TAFA1: variants seen among roughly 807,000 people sequenced by gnomAD.
TAFA1 encodes the protein chemokine-like protein TAFA-1.
TAFA1 carries 4 observed loss-of-function variants against 18.5 expected under a neutral mutation model. The observed-to-expected ratio is 0.22, with a 90% confidence interval of 0.11 to 0.49. The LOEUF is 0.49. TAFA1 is among the 20% of genes least tolerant of loss of function. The probability of loss-of-function intolerance (pLI) is 0.98; values close to 1 mark genes in which losing one functional copy is unlikely to be tolerated. For synonymous variants in TAFA1, 56 were observed against 55.2 expected (o/e 1.01, Z -0.06); for missense variants, 147 against 169.0 (o/e 0.87, Z 0.72).
intron 2 of TAFA1, among the ~76,000 whole-genome samples, chr3:68,278,316 C>T (rs748420559): frequency 9.2e-5 from 14 of 152,112 alleles, no homozygotes; most frequent in Non-Finnish European, 1.5e-4. Context: ...TTCACATACA[C>T]TCAAAAGTAG....
chr3:68,472,174 T>C (rs762137816), intron 3 of TAFA1, among the ~76,000 whole-genome samples: 8 of 152,106 alleles, frequency 5.3e-5, no homozygotes, highest in Non-Finnish European at 2.9e-5. Context: ...TGGGTTCAAG[T>C]ATAGATAATT....
intron 3 of TAFA1, among the ~76,000 whole-genome samples, chr3:68,508,569 C>T (rs1022919019): frequency 6.6e-6 from 1 of 151,982 alleles, no homozygotes; most frequent in Non-Finnish European, 1.5e-5. Flanking sequence ...TTAATTCGTT[C>T]AACAAAGATT....
intron 2 of TAFA1, among the ~76,000 whole-genome samples, chr3:68,260,904 G>A (rs572616104): frequency 1.1e-3 from 171 of 152,172 alleles, no homozygotes; most frequent in African/African-American, 3.6e-3. Context: ...GGCAACAAAA[G>A]CCAAAATTGA....
chr3:68,138,757 C>A (rs1326663072), intron 2 of TAFA1, among the ~76,000 whole-genome samples: 2 of 152,166 alleles, frequency 1.3e-5, no homozygotes, highest in African/African-American at 4.8e-5. Flanking sequence ...CAGAACTGAG[C>A]ACATGGTGTG....
At chr3:68,032,301 A>T (rs1407740931) in intron 2 of TAFA1, among the ~76,000 whole-genome samples, 1 of 152,130 alleles carries the variant, frequency 6.6e-6, no homozygotes, top group African/African-American at 2.4e-5. Context: ...AATGTACTAA[A>T]ATTATCAAAT....
chr3:68,278,750 G>A (rs761453856), intron 2 of TAFA1, among the ~76,000 whole-genome samples: 5 of 152,110 alleles, frequency 3.3e-5, no homozygotes, highest in Admixed American at 6.6e-5. Context: ...TGGAAAGCTT[G>A]TTAAAATACA....
Position 68,395,196 on chromosome 3 carries a change from A to C in TAFA1, c.119-22084A>C, listed in dbSNP as rs1380869362. Among the ~76,000 whole-genome samples, 11 of 152,000 alleles carry C rather than the reference A, an allele frequency of 7.2e-5. No homozygotes were observed. The East Asian group carries it at 2.1e-3, about 29-fold the overall frequency. Reference sequence around the variant, plus strand: ...CGGCCAACAAACATATGAAAAAAAAACTCATCACTGGTCGTTAGAGAATTG... The same window carrying C: ...CGGCCAACAAACATATGAAAAAAAACCTCATCACTGGTCGTTAGAGAATTG... On this transcript the variant is annotated intron_variant, in intron 2 of 4. Transcript: ENST00000478136.
At chr3:68,507,134 C>T (rs1317742516) in intron 3 of TAFA1, among the ~76,000 whole-genome samples, 4 of 152,028 alleles carry the variant, frequency 2.6e-5, no homozygotes, top group East Asian at 1.9e-4. Flanking sequence ...AACACCATGC[C>T]TTAGGCAGCC....
At chr3:68,374,961 C>T (rs1359979981) in intron 2 of TAFA1, among the ~76,000 whole-genome samples, 3 of 152,084 alleles carry the variant, frequency 2.0e-5, no homozygotes, top group African/African-American at 7.2e-5. Flanking sequence ...TTGTCTCCAA[C>T]CACCTTTCTC....
intron 2 of TAFA1, among the ~76,000 whole-genome samples, chr3:68,216,252 C>A (rs2066656053): frequency 6.6e-6 from 1 of 151,982 alleles, no homozygotes; most frequent in African/African-American, 2.4e-5. Flanking sequence ...TGACAAAACG[C>A]ATTTGTCAAA....
chr3:68,387,158 A>G (rs2070123310), intron 2 of TAFA1, among the ~76,000 whole-genome samples: 1 of 152,098 alleles, frequency 6.6e-6, no homozygotes, highest in Admixed American at 6.6e-5. Context: ...TACAGCTTCA[A>G]AAATCTGTCT....
At chr3:68,504,553 TA>T (rs1388036897) in intron 3 of TAFA1, among the ~76,000 whole-genome samples, 1 of 152,158 alleles carries the variant, frequency 6.6e-6, no homozygotes, top group Admixed American at 6.6e-5. Context: ...CACACAATTG[TA>T]AGAGATCTGC....
Position 68,159,833 on chromosome 3 carries a change from C to T in TAFA1, c.118+153089C>T, listed in dbSNP as rs145091982. Among the ~76,000 whole-genome samples the T allele has an allele frequency of 4.6e-4, 70 of 152,342 alleles. No individual in the cohort carries two copies. The East Asian group carries it at 0.012, about 27-fold the overall frequency. On this transcript the variant is annotated intron_variant, in intron 2 of 4. Transcript: ENST00000478136. ...ACCAAACTAGCACATGGACCACCCC[C>T]ACCTGCTCATTTCTATCACTATATA...
chr3:68,318,445 T>G (rs531974586), intron 2 of TAFA1, among the ~76,000 whole-genome samples: 1 of 152,288 alleles, frequency 6.6e-6, no homozygotes, highest in East Asian at 1.9e-4. Flanking sequence ...ATCCTTCAGG[T>G]ATAAGGGATC....
At chr3:68,013,318 G>C (rs1704508041) in intron 2 of TAFA1, among the ~76,000 whole-genome samples, 1 of 152,020 alleles carries the variant, frequency 6.6e-6, no homozygotes, top group Middle Eastern at 3.2e-3. Flanking sequence ...TTCTCAAATG[G>C]AGAGTGTCAT....
At chr3:68,403,878 C>T (rs2070543239) in intron 2 of TAFA1, among the ~76,000 whole-genome samples, 1 of 152,136 alleles carries the variant, frequency 6.6e-6, no homozygotes, top group Admixed American at 6.5e-5. Flanking sequence ...TGTTAATACC[C>T]AGTTGACTAA....
At chr3:68,020,934 C>T (rs1704674470) in intron 2 of TAFA1, among the ~76,000 whole-genome samples, 1 of 151,810 alleles carries the variant, frequency 6.6e-6, no homozygotes, top group Non-Finnish European at 1.5e-5. Flanking sequence ...ACCTGTAATC[C>T]CAGCACTTTG....
intron 2 of TAFA1, among the ~76,000 whole-genome samples, chr3:68,121,897 G>T (rs1025731569): frequency 6.6e-6 from 1 of 151,714 alleles, no homozygotes; most frequent in Admixed American, 6.6e-5. Context: ...GAGGAGGGAA[G>T]ATTAATTGCA....
chr3:68,239,266 A>G (rs1274054151), intron 2 of TAFA1, among the ~76,000 whole-genome samples: 2 of 152,182 alleles, frequency 1.3e-5, no homozygotes, highest in Non-Finnish European at 2.9e-5. Flanking sequence ...AGAACTAACA[A>G]TTATGACTGC....
Sources: allele counts gnomAD v4.1 joint callset (sites outside exome capture counted in the v4.1 genomes callset), GRCh38; gene constraint gnomAD v4.1.1; transcripts MANE v1.5; gene names NCBI Gene and HGNC (gene_info 2026-07-23, HGNC 2026-07-21).